EGF: variants seen among roughly 807,000 people sequenced by gnomAD.
The protein encoded by EGF is epidermal growth factor.
In EGF, 95 loss-of-function variants were observed where a neutral mutation model predicts 143.8. The observed-to-expected ratio is 0.66, with a 90% CI of 0.56 to 0.78. The LOEUF is 0.78. EGF is among the 30% of genes least tolerant of loss of function. The pLI is 0.00. For synonymous variants in EGF, 510 were observed against 510.5 expected, an observed-to-expected ratio of 1.00 and a Z score of 0.01; for missense variants, 1,320 against 1,470.9, an observed-to-expected ratio of 0.90 and a Z score of 1.68.
At chr4:109,990,211 A>G (rs1002439141) in intron 18 of EGF, among the ~76,000 whole-genome samples, 1 of 152,174 alleles carries the variant, frequency 6.6e-6, no homozygotes, top group Non-Finnish European at 1.5e-5. Context: ...ATAAGGCCAC[A>G]GTACTGGAAA....
intron 22 of EGF, 60 bp downstream of exon 22, chr4:110,004,682 T>G (rs1162471465): frequency 6.7e-7 from 1 of 1,481,710 alleles, no homozygotes; most frequent in Non-Finnish European, 9.4e-7. Flanking sequence ...CTATTCATTT[T>G]TTCTATTTTT....
At chr4:109,932,129 C>A (rs1416711404) in intron 1 of EGF, among the ~76,000 whole-genome samples, 1 of 151,538 alleles carries the variant, frequency 6.6e-6, no homozygotes, top group Non-Finnish European at 1.5e-5. Flanking sequence ...ATTGACTAGA[C>A]CCATCTTTTA....
intron 6 of EGF, among the ~76,000 whole-genome samples, chr4:109,960,010 C>A (rs1169223081): frequency 6.6e-6 from 1 of 152,160 alleles, no homozygotes; most frequent in Non-Finnish European, 1.5e-5. Context: ...CTGCAGCACA[C>A]ATACAGTGGA....
intron 5 of EGF, among the ~76,000 whole-genome samples, chr4:109,946,447 C>G (rs574670636): frequency 1.3e-5 from 2 of 152,314 alleles, no homozygotes; most frequent in South Asian, 4.1e-4. Context: ...TTTGCAGTCT[C>G]TCTTCCTTGG....
At chr4:109,970,824 C>CAATAAAAA (rs1747514864) in intron 11 of EGF, among the ~76,000 whole-genome samples, 1 of 72,974 alleles carries the variant, frequency 1.4e-5, no homozygotes, top group Admixed American at 1.7e-4. Context: ...GACTCCGTCT[C>CAATAAAAA]AAAAAAAAAA....
At position 109,932,672 on chromosome 4, in the gene EGF, G is replaced by A. The variant is rs558368834; in HGVS notation, c.128-8274G>A. ...GCTGGGATTACAGGCATGAGCCACC[G>A]CGCCTGGCCCAATATTTTTTAATAA... On this transcript the variant is annotated intron_variant, in intron 1 of 23. Transcript: ENST00000265171. 9.9e-5 allele frequency among the ~76,000 whole-genome samples: 15 copies of A among 151,860 alleles called. No homozygotes were observed. The South Asian group carries it at 2.3e-3, about 23-fold the overall frequency.
chr4:109,920,495 T>C (rs1014299274), intron 1 of EGF, among the ~76,000 whole-genome samples: 2 of 151,524 alleles, frequency 1.3e-5, no homozygotes, highest in Non-Finnish European at 2.9e-5. Flanking sequence ...AGGCAGGCCC[T>C]GGAATCTCTC....
chr4:109,969,083 A>T lies in EGF; in HGVS notation c.1688A>T (p.Asp563Val), dbSNP rs980266576. The T allele has an allele frequency of 1.2e-6, 2 of 1,614,020 alleles. No homozygotes were observed. Among genetic ancestry groups the T allele is most frequent in the Non-Finnish European group, 1.7e-6 (2 of 1,179,950 alleles). ...GVDVPEGLAV[D>V]WIGRRFYWTD... ...GATGTGCCAGAAGGTCTTGCTGTGGACTGGATTGGCCGTAGATTCTATTGG... is the reference window on the plus strand; with the variant it reads ...GATGTGCCAGAAGGTCTTGCTGTGGTCTGGATTGGCCGTAGATTCTATTGG... Residue 563 changes from aspartate (D) to valine (V), a missense_variant, in exon 11 of 24, where the codon GAC becomes GTC. Asp to Val is a radical substitution (Grantham distance 152, BLOSUM62 -3). Coordinates refer to ENST00000265171, the MANE Select transcript of EGF (RefSeq NM_001963.6).
intron 17 of EGF, 129 bp downstream of exon 17, chr4:109,987,989 A>C (rs1578353567): frequency 2.7e-6 from 2 of 749,100 alleles, no homozygotes; most frequent in East Asian, 5.3e-5. Flanking sequence ...ATTTGATGTT[A>C]GCTAAAAAAA....
intron 1 of EGF, among the ~76,000 whole-genome samples, chr4:109,924,334 A>C (rs1049720269): frequency 6.9e-5 from 8 of 115,932 alleles, no homozygotes. Context: ...TCTTTCTACC[A>C]AAAAAAATTA....
chr4:109,959,438 G>A lies in EGF; in HGVS notation c.1066+1G>A, dbSNP rs920813055. 7.4e-6 allele frequency: 12 copies of A among 1,613,638 alleles called. No individual in the cohort carries two copies. The African/African-American group carries it at 1.3e-4, about 18-fold the overall frequency. On this transcript the variant is annotated splice_donor_variant, in intron 6 of 23. Transcript: ENST00000265171. LOFTEE classifies it high-confidence loss of function. Reference sequence around the variant, plus strand: ...AGTCGAGACCGGAAGTACTGTGAAGGTAATGACTGGAAGTACTGTGAAGGT... The same window carrying A: ...AGTCGAGACCGGAAGTACTGTGAAGATAATGACTGGAAGTACTGTGAAGGT...
At chr4:109,997,742 A>G (rs1752021345) in intron 20 of EGF, among the ~76,000 whole-genome samples, 1 of 152,008 alleles carries the variant, frequency 6.6e-6, no homozygotes. Context: ...ACACATCTGT[A>G]TTTCCAGCTA....
chr4:109,928,279 A>G (rs1447572475), intron 1 of EGF, among the ~76,000 whole-genome samples: 1 of 152,208 alleles, frequency 6.6e-6, no homozygotes, highest in Non-Finnish European at 1.5e-5. Context: ...CAAGATATAC[A>G]TTAGTTTGAT....
At chr4:109,990,660 C>G (rs903430883) in intron 18 of EGF, among the ~76,000 whole-genome samples, 1 of 152,124 alleles carries the variant, frequency 6.6e-6, no homozygotes, top group African/African-American at 2.4e-5. Context: ...TCTGGAGGCT[C>G]GAAGTCCTAG....
intron 5 of EGF, among the ~76,000 whole-genome samples, chr4:109,953,919 T>C (rs1040580751): frequency 2.0e-5 from 3 of 152,252 alleles, no homozygotes; most frequent in African/African-American, 7.2e-5. Context: ...GGATACATAA[T>C]AGTTGTACAT....
intron 1 of EGF, 26 bp from the exon 2 acceptor site, chr4:109,940,920 A>G: frequency 6.2e-7 from 1 of 1,601,146 alleles, no homozygotes; most frequent in Non-Finnish European, 8.6e-7. Flanking sequence ...AAAAGTATAC[A>G]GTTTGGTCTC....
At chr4:109,995,557 C>T (rs1009698034) in intron 20 of EGF, among the ~76,000 whole-genome samples, 3 of 152,174 alleles carry the variant, frequency 2.0e-5, no homozygotes, top group African/African-American at 4.8e-5. Flanking sequence ...GAAAACCTTT[C>T]CTGTGGACCC....
intron 1 of EGF, among the ~76,000 whole-genome samples, chr4:109,927,451 G>A (rs967215353): frequency 3.0e-4 from 45 of 152,092 alleles, no homozygotes; most frequent in Non-Finnish European, 5.9e-4. Flanking sequence ...CAGGCCGGGC[G>A]CAGTGGCTCA....
chr4:109,949,576 A>G (rs1212041475), intron 5 of EGF, among the ~76,000 whole-genome samples: 2 of 150,914 alleles, frequency 1.3e-5, no homozygotes, highest in East Asian at 3.9e-4. Flanking sequence ...CCTATGCAGC[A>G]GCCCACAGGA....
Sources: gnomAD v4.1 joint callset for allele counts (sites outside exome capture counted in the v4.1 genomes callset) on GRCh38, gnomAD v4.1.1 for gene constraint, MANE v1.5 for transcripts, NCBI Gene and HGNC (gene_info 2026-07-23, HGNC 2026-07-21) for gene names.